NTN4: variants seen among roughly 807,000 people sequenced by gnomAD.
NTN4 encodes netrin 4.
In NTN4, 32 loss-of-function variants were observed where a neutral mutation model predicts 73.6. The observed-to-expected ratio is 0.44, with a 90% CI of 0.33 to 0.58. The LOEUF (loss-of-function observed/expected upper bound fraction) is 0.58, where lower values mean the gene tolerates loss of function less well. Among genes scored for constraint, NTN4 ranks in the 20% least tolerant of loss-of-function variants. NTN4 has a pLI of 0.04. For synonymous variants in NTN4, 258 were observed against 287.5 expected (o/e 0.90, Z 1.04); for missense variants, 654 against 798.3 (o/e 0.82, Z 2.18).
At chr12:95,756,196 T>C (rs1377528980) in intron 2 of NTN4, among the ~76,000 whole-genome samples, 2 of 152,188 alleles carry the variant, frequency 1.3e-5, no homozygotes, top group East Asian at 1.9e-4. Flanking sequence ...ATTAAAAACA[T>C]AGGATTAAAG....
intron 5 of NTN4, among the ~76,000 whole-genome samples, chr12:95,693,055 T>TCACCACTC (rs2078413541): frequency 2.6e-5 from 4 of 152,302 alleles, no homozygotes; most frequent in Admixed American, 2.6e-4. Flanking sequence ...ATAAAAATGC[T>TCACCACTC]CACCACTCGT....
intron 3 of NTN4, among the ~76,000 whole-genome samples, chr12:95,724,192 A>T (rs1461973822): frequency 6.6e-6 from 1 of 152,216 alleles, no homozygotes; most frequent in Non-Finnish European, 1.5e-5. Context: ...ACTGTAATAA[A>T]TATTTCTGCC....
intron 2 of NTN4, among the ~76,000 whole-genome samples, chr12:95,750,423 C>G (rs2078897777): frequency 6.6e-6 from 1 of 152,038 alleles, no homozygotes; most frequent in South Asian, 2.1e-4. Flanking sequence ...TCAACTCACA[C>G]CTGACCTAAA....
intron 3 of NTN4, among the ~76,000 whole-genome samples, chr12:95,737,403 G>A (rs1432460944): frequency 7.0e-6 from 1 of 142,196 alleles, no homozygotes; most frequent in Admixed American, 7.1e-5. Flanking sequence ...CTTAGGTGAA[G>A]AGGGGGTCAG....
At chr12:95,767,927 C>T (rs180931535) in intron 2 of NTN4, among the ~76,000 whole-genome samples, 3 of 152,162 alleles carry the variant, frequency 2.0e-5, no homozygotes, top group Admixed American at 6.5e-5. Flanking sequence ...ACTGCCTGCC[C>T]GAGGATCTGT....
At chr12:95,697,480 G>A (rs2078451085) in intron 5 of NTN4, among the ~76,000 whole-genome samples, 1 of 151,904 alleles carries the variant, frequency 6.6e-6, no homozygotes, top group African/African-American at 2.4e-5. Context: ...CTCTTTTCTT[G>A]ATGGTTTTTG....
At position 95,688,743 on chromosome 12, in the gene NTN4, C is replaced by CA. The variant is rs1445382773; in HGVS notation, c.1181-5033dup. ...TGGCAGTTGGAGGAGCAATAACTTT[C>CA]AAAAAGATTATTAAGGAGAAGGTAG... On this transcript the variant is annotated intron_variant, in intron 5 of 9. Transcript: ENST00000343702. 2.2e-5 allele frequency among the ~76,000 whole-genome samples: 3 copies of CA among 137,466 alleles called. No individual in the cohort carries two copies. In the East Asian group the frequency reaches 6.4e-4, roughly 30 times the overall value. The allele number at this position is 137,466 out of a possible 152,430, so 90.2% of individuals were successfully genotyped here.
chr12:95,790,937 G>C (rs930786076), upstream of NTN4, among the ~76,000 whole-genome samples: 3 of 149,156 alleles, frequency 2.0e-5, no homozygotes, highest in African/African-American at 4.9e-5. The surrounding 1 kb of genome is among the most constrained non-coding windows in gnomAD (Gnocchi z 6.5). Context: ...CCGGGGGGGG[G>C]GTCCCCCGCG....
chr12:95,672,215 G>A, intron 7 of NTN4: 1 of 587,566 alleles, frequency 1.7e-6, no homozygotes, highest in Non-Finnish European at 3.1e-6. Flanking sequence ...CGGGGGGCGG[G>A]CGGGGGGAGG....
At chr12:95,740,203 T>A (rs1439702644) in intron 2 of NTN4, among the ~76,000 whole-genome samples, 1 of 152,196 alleles carries the variant, frequency 6.6e-6, no homozygotes, top group Non-Finnish European at 1.5e-5. Context: ...GGATCTACCC[T>A]GCGTCAGGAA....
At chr12:95,752,579 A>G (rs1350839670) in intron 2 of NTN4, among the ~76,000 whole-genome samples, 1 of 148,166 alleles carries the variant, frequency 6.7e-6, no homozygotes, top group African/African-American at 2.5e-5. Flanking sequence ...TTTCTTCCTC[A>G]TCTGTTACCT....
At chr12:95,762,654 G>C (rs767753594) in intron 2 of NTN4, among the ~76,000 whole-genome samples, 1 of 152,246 alleles carries the variant, frequency 6.6e-6, no homozygotes, top group Non-Finnish European at 1.5e-5. Context: ...AACTGAAAGA[G>C]AGGTGAGTCT....
chr12:95,664,756 G>A (rs2078166695), intron 9 of NTN4, among the ~76,000 whole-genome samples: 1 of 152,004 alleles, frequency 6.6e-6, no homozygotes, highest in Non-Finnish European at 1.5e-5. Flanking sequence ...GGGACTACAG[G>A]CACATACCAC....
chr12:95,716,076 A>G (rs1489928462), intron 3 of NTN4, among the ~76,000 whole-genome samples: 1 of 116,750 alleles, frequency 8.6e-6, no homozygotes, highest in Non-Finnish European at 2.0e-5. Flanking sequence ...TAAATCCTAC[A>G]TGTCAAAAAA....
chr12:95,666,442 A>G (rs1369335454), intron 8 of NTN4, among the ~76,000 whole-genome samples: 1 of 152,210 alleles, frequency 6.6e-6, no homozygotes, highest in Non-Finnish European at 1.5e-5. Context: ...AAAATACTGA[A>G]TTAAAAAAAT....
intron 3 of NTN4, among the ~76,000 whole-genome samples, chr12:95,717,551 A>T (rs1465126015): frequency 6.6e-6 from 1 of 152,088 alleles, no homozygotes; most frequent in East Asian, 1.9e-4. Context: ...TTACCTAGAC[A>T]ATTTGAAACA....
chr12:95,787,051 T>A lies in NTN4; in HGVS notation c.473A>T (p.Lys158Met), dbSNP rs2079172912. 1 of 1,614,100 alleles carries A rather than the reference T, an allele frequency of 6.2e-7. No homozygotes were observed. The highest frequency in any genetic ancestry group is 1.3e-5 in the African/African-American group (1 of 74,934). The change falls in exon 2 of 10, where the codon AAG (lysine) becomes ATG (methionine). Residue 158 changes from lysine to methionine, a missense_variant. By Grantham distance (95) the Lys-to-Met change is moderately conservative. Transcript: ENST00000343702. ...AGCGGAGCAGTTAGTCGCAAAGTAC[T>A]TATAAGGCTTCCATGTTTTCCCAAA... ...QDFGKTWKPYKYFATNCSATF... is the reference protein window; with the variant it reads ...QDFGKTWKPYMYFATNCSATF...
intron 2 of NTN4, among the ~76,000 whole-genome samples, chr12:95,757,133 T>C (rs2078952472): frequency 6.6e-6 from 1 of 152,140 alleles, no homozygotes; most frequent in Non-Finnish European, 1.5e-5. Flanking sequence ...TGCCCATCAG[T>C]GTGTAGGCAA....
At chr12:95,704,555 G>A (rs1294282665) in intron 5 of NTN4, among the ~76,000 whole-genome samples, 1 of 152,138 alleles carries the variant, frequency 6.6e-6, no homozygotes, top group Non-Finnish European at 1.5e-5. Flanking sequence ...CTACTAAGGA[G>A]GGAATTAATG....
Sources: allele counts gnomAD v4.1 joint callset (sites outside exome capture counted in the v4.1 genomes callset), GRCh38; gene constraint gnomAD v4.1.1; non-coding constraint Gnocchi (gnomAD v3.1); transcripts MANE v1.5; gene names NCBI Gene and HGNC (gene_info 2026-07-23, HGNC 2026-07-21).